The following TSHR variants were observed in gnomAD, a reference collection of about 807,000 sequenced individuals.
TSHR encodes thyrotropin receptor.
Under a neutral mutation model 64.1 loss-of-function variants are expected in TSHR, and 51 were observed. That is an observed-to-expected ratio of 0.80 (90% CI 0.64 to 1.01). TSHR has a LOEUF of 1.01. Ranked by LOEUF, TSHR falls within the 50% of genes least tolerant of loss-of-function variation. The probability of loss-of-function intolerance (pLI) is 0.00; values close to 1 mark genes in which losing one functional copy is unlikely to be tolerated. For synonymous variants in TSHR, 361 were observed against 361.9 expected, an observed-to-expected ratio of 1.00 and a Z score of 0.03; for missense variants, 877 against 942.8, an observed-to-expected ratio of 0.93 and a Z score of 0.91.
chr14:80,989,471 C>T (rs779251024), intron 1 of TSHR, among the ~76,000 whole-genome samples: 4 of 152,102 alleles, frequency 2.6e-5, no homozygotes, highest in African/African-American at 9.7e-5. Context: ...ACTTAATTTA[C>T]GCCTTGCCAC....
intron 1 of TSHR, among the ~76,000 whole-genome samples, chr14:81,047,746 C>G (rs1370646841): frequency 6.7e-6 from 1 of 149,492 alleles, no homozygotes; most frequent in Admixed American, 6.8e-5. Context: ...ATTGCAAGCT[C>G]TGCCATTCTC....
chr14:81,057,412 AAAAAGAAAAAAG>A (rs1309210939), intron 1 of TSHR, among the ~76,000 whole-genome samples: 8 of 152,204 alleles, frequency 5.3e-5, no homozygotes, highest in African/African-American at 1.2e-4. Context: ...ACTCCATCTC[AAAAAGAAAAAAG>A]AAAAGAAAAA....
At chr14:81,114,561 G>T (rs1033954346) in intron 8 of TSHR, among the ~76,000 whole-genome samples, 23 of 152,178 alleles carry the variant, frequency 1.5e-4, no homozygotes, top group African/African-American at 5.5e-4. Flanking sequence ...TGCTAGCACA[G>T]CAGTCTGAGA....
intron 1 of TSHR, among the ~76,000 whole-genome samples, chr14:81,021,295 G>A (rs988415951): frequency 6.6e-6 from 1 of 151,932 alleles, no homozygotes; most frequent in Non-Finnish European, 1.5e-5. Context: ...CTGCTTAAGT[G>A]TTCCCTCCCC....
In TSHR at chr14:81,143,592, C is replaced by CT. The variant is rs1891797915; in HGVS notation, c.1535dup (p.Thr513AspfsTer50). 1 of 1,613,512 alleles carries CT rather than the reference C, an allele frequency of 6.2e-7. No individual in the cohort carries two copies. Among genetic ancestry groups the CT allele is most frequent in the African/African-American group, 1.3e-5 (1 of 74,948 alleles). On this transcript the variant is annotated frameshift_variant, in exon 10 of 10. Coordinates refer to ENST00000298171, the MANE Select transcript of TSHR (RefSeq NM_000369.5). LOFTEE classifies it high-confidence loss of function. ...TGCAAGCGAGTTATCGGTGTATACG[C>CT]TGACGGTCATCACCCTGGAGCGCTG...
chr14:81,070,996 C>A (rs1263374740), intron 3 of TSHR, among the ~76,000 whole-genome samples: 1 of 152,076 alleles, frequency 6.6e-6, no homozygotes, highest in Non-Finnish European at 1.5e-5. Flanking sequence ...TATAAATGAA[C>A]CTTGACTGCA....
chr14:81,013,909 T>G (rs1890048930), intron 1 of TSHR: 1 of 152,184 alleles, frequency 6.6e-6, no homozygotes, highest in Non-Finnish European at 1.5e-5. Context: ...GAGTTAACCT[T>G]ATGGGGTGAT....
intron 1 of TSHR, among the ~76,000 whole-genome samples, chr14:81,027,481 ATATCT>A (rs1884129271): frequency 6.6e-6 from 1 of 152,198 alleles, no homozygotes. Context: ...GAGGGCATAA[ATATCT>A]TATCTGAAAA....
chr14:81,015,790 C>A (rs753389829), intron 1 of TSHR, among the ~76,000 whole-genome samples: 57 of 152,058 alleles, frequency 3.7e-4, no homozygotes, highest in African/African-American at 1.2e-3. Flanking sequence ...CTCATCCCCC[C>A]ACTCCTCACC....
chr14:81,090,183 C>A (rs924507815), intron 4 of TSHR, among the ~76,000 whole-genome samples: 2 of 152,170 alleles, frequency 1.3e-5, no homozygotes, highest in Admixed American at 6.5e-5. Flanking sequence ...TAACATTTTT[C>A]TGTAGATGAT....
At chr14:81,026,632 A>G (rs999299621) in intron 1 of TSHR, among the ~76,000 whole-genome samples, 2 of 152,222 alleles carry the variant, frequency 1.3e-5, no homozygotes, top group African/African-American at 4.8e-5. Context: ...TCCAGAGTGA[A>G]GATAAGAAGT....
intron 1 of TSHR, among the ~76,000 whole-genome samples, chr14:81,019,304 AGCC>A (rs1177740054): frequency 2.7e-5 from 4 of 150,860 alleles, no homozygotes; most frequent in African/African-American, 9.9e-5. Flanking sequence ...ACTGCACTTC[AGCC>A]TGGGTGACAC....
In TSHR at chr14:81,092,549, T is replaced by C; in HGVS notation, c.486T>C (p.Pro162=). The change falls in exon 6 of 10, where the codon CCT becomes CCC. Residue 162 remains proline, a synonymous_variant. Coordinates refer to ENST00000298171, the MANE Select transcript of TSHR (RefSeq NM_000369.5). ...IFFILEITDN[P]YMTSIPVNAF... ...CTTGCAGTGAAATTACAGACAACCC[T>C]TACATGACGTCAATCCCTGTGAATG... is the stretch of plus-strand genomic sequence containing the variant. 1 of 1,614,130 alleles carries C rather than the reference T, an allele frequency of 6.2e-7. No individual in the cohort carries two copies. Among genetic ancestry groups the C allele is most frequent in the South Asian group, 1.1e-5 (1 of 91,086 alleles).
Position 81,096,794 on chromosome 14 carries a change from C to T in TSHR, c.614+87C>T, listed in dbSNP as rs12590358. On this transcript the variant is annotated intron_variant, in intron 7 of 9. Transcript: ENST00000298171. The stretch of plus-strand genomic sequence containing the variant: ...GCAGAATGCTGTTGAGAGATAGGTT[C>T]TACCAGAGCATCTTCCACGCCAGAG... The T allele has an allele frequency of 2.3e-4, 330 of 1,412,900 alleles. 3 individuals are homozygous for T. In the East Asian group the frequency reaches 5.7e-3, roughly 24 times the overall value. The allele number at this position is 1,412,900 out of a possible 1,614,324, so 87.5% of individuals were successfully genotyped here.
chr14:81,137,322 G>A (rs1891494609), intron 8 of TSHR, among the ~76,000 whole-genome samples: 1 of 152,154 alleles, frequency 6.6e-6, no homozygotes, highest in South Asian at 2.1e-4. Context: ...CCATCACTTA[G>A]AACATTAGGG....
chr14:80,997,188 G>A (rs1195077613), intron 1 of TSHR, among the ~76,000 whole-genome samples: 1 of 152,158 alleles, frequency 6.6e-6, no homozygotes. Context: ...AAAGGAAACT[G>A]GAAGAAGGTG....
chr14:81,138,644 G>A (rs929785020), intron 8 of TSHR, among the ~76,000 whole-genome samples: 8 of 152,054 alleles, frequency 5.3e-5, no homozygotes, highest in East Asian at 1.9e-4. Flanking sequence ...TGAGCTTTAA[G>A]TTCTGACGGC....
chr14:81,044,674 A>C (rs1388574608), intron 1 of TSHR, among the ~76,000 whole-genome samples: 5 of 65,698 alleles, frequency 7.6e-5, no homozygotes, highest in East Asian at 4.6e-4. Flanking sequence ...AAAAAAAAAA[A>C]CACACACACA....
intron 1 of TSHR, among the ~76,000 whole-genome samples, chr14:81,017,492 C>G (rs1163050687): frequency 6.6e-6 from 1 of 152,114 alleles, no homozygotes; most frequent in African/African-American, 2.4e-5. Context: ...CCGCCTGGCA[C>G]TTCAGAGTCT....
Sources: gnomAD v4.1 joint callset for allele counts (sites outside exome capture counted in the v4.1 genomes callset) on GRCh38, gnomAD v4.1.1 for gene constraint, MANE v1.5 for transcripts, NCBI Gene and HGNC (gene_info 2026-07-23, HGNC 2026-07-21) for gene names.